The following SLC10A7 variants were observed in gnomAD, a reference collection of about 807,000 sequenced individuals.
The protein encoded by SLC10A7 is sodium/bile acid cotransporter 7.
In SLC10A7, 29 loss-of-function variants were observed where a neutral mutation model predicts 43.2. That is an observed-to-expected ratio of 0.67 (90% CI 0.50 to 0.92). SLC10A7 has a LOEUF of 0.92. Among genes scored for constraint, SLC10A7 ranks in the 40% least tolerant of loss-of-function variants. The pLI, the probability that SLC10A7 is intolerant of heterozygous loss-of-function variation, is 0.00. For synonymous variants in SLC10A7, 152 were observed against 144.8 expected (o/e 1.05, Z -0.35); for missense variants, 295 against 403.2 (o/e 0.73, Z 2.30).
At chr4:146,402,378 T>C (rs1216596845) in intron 5 of SLC10A7, among the ~76,000 whole-genome samples, 2 of 152,086 alleles carry the variant, frequency 1.3e-5, no homozygotes, top group African/African-American at 4.8e-5. Flanking sequence ...CCTTATTTCC[T>C]CATACCTCCT....
At chr4:146,332,535 GCTCA>G in intron 5 of SLC10A7, among the ~76,000 whole-genome samples, 1 of 152,066 alleles carries the variant, frequency 6.6e-6, no homozygotes, top group East Asian at 1.9e-4. Flanking sequence ...CTCCTACCTT[GCTCA>G]CTGTCTTGCT....
Position 146,521,854 on chromosome 4 carries a change from T to A in SLC10A7, c.-137A>T. 1.4e-6 allele frequency: 1 copy of A among 700,004 alleles called. No homozygotes were observed. 43.4% of individuals were successfully genotyped at this position (700,004 alleles called of 1,614,324 possible). The stretch of plus-strand genomic sequence containing the variant: ...CAGCAGAGCAAGTCAAATTGCCGAT[T>A]GTAAAGTAAAGACCTGGGGGTTGCT... On this transcript the variant is annotated 5_prime_UTR_variant, in exon 1 of 12. Coordinates refer to ENST00000335472, the MANE Select transcript of SLC10A7 (RefSeq NM_001029998.6).
At chr4:146,482,646 A>G (rs949365705) in intron 4 of SLC10A7, among the ~76,000 whole-genome samples, 2 of 152,070 alleles carry the variant, frequency 1.3e-5, no homozygotes, top group Admixed American at 1.3e-4. Flanking sequence ...CTAGGCCAAC[A>G]GATTTTTGGC....
intron 10 of SLC10A7, among the ~76,000 whole-genome samples, chr4:146,260,204 A>T (rs1441122008): frequency 9.8e-5 from 3 of 30,726 alleles, no homozygotes; most frequent in South Asian, 3.2e-3. Context: ...CCTTTTTTTA[A>T]AAAAAAGCTT....
intron 5 of SLC10A7, among the ~76,000 whole-genome samples, chr4:146,349,898 G>C (rs1734905831): frequency 6.6e-6 from 1 of 151,852 alleles, no homozygotes; most frequent in African/African-American, 2.4e-5. Context: ...TCACTATCTG[G>C]GTAATGAGAT....
chr4:146,323,176 C>G (rs1033847400), intron 6 of SLC10A7, among the ~76,000 whole-genome samples: 4 of 152,122 alleles, frequency 2.6e-5, no homozygotes, highest in Non-Finnish European at 5.9e-5. Flanking sequence ...TGCCTGTTTA[C>G]TCTGATGGTA....
At chr4:146,301,127 G>T (rs1029556713) in intron 7 of SLC10A7, among the ~76,000 whole-genome samples, 1 of 152,178 alleles carries the variant, frequency 6.6e-6, no homozygotes. Flanking sequence ...CTTTTAGGCA[G>T]CTCATCAATA....
intron 4 of SLC10A7, among the ~76,000 whole-genome samples, chr4:146,470,025 T>A (rs1733417065): frequency 6.6e-6 from 1 of 152,178 alleles, no homozygotes; most frequent in Non-Finnish European, 1.5e-5. Flanking sequence ...CGGGCTACGT[T>A]TGGGGCAGAT....
At chr4:146,513,430 T>TA (rs1243021271) in intron 2 of SLC10A7, among the ~76,000 whole-genome samples, 35 of 152,244 alleles carry the variant, frequency 2.3e-4, no homozygotes, top group Non-Finnish European at 4.4e-4. Context: ...TAAAAAGGAC[T>TA]AAAAAATTGA....
At chr4:146,429,693 T>C (rs757254033) in intron 5 of SLC10A7, among the ~76,000 whole-genome samples, 2 of 152,072 alleles carry the variant, frequency 1.3e-5, no homozygotes, top group Non-Finnish European at 2.9e-5. Context: ...CCCATTACAA[T>C]CTAGATGGAA....
At chr4:146,414,463 C>T (rs1273709288) in intron 5 of SLC10A7, among the ~76,000 whole-genome samples, 5 of 152,104 alleles carry the variant, frequency 3.3e-5, no homozygotes, top group Non-Finnish European at 7.4e-5. Flanking sequence ...GTGGCTCACG[C>T]CTGTAATCCC....
At chr4:146,476,747 T>C (rs1734060933) in intron 4 of SLC10A7, among the ~76,000 whole-genome samples, 1 of 152,188 alleles carries the variant, frequency 6.6e-6, no homozygotes, top group Non-Finnish European at 1.5e-5. Context: ...AATCCATTAC[T>C]TAGGGCTTAG....
At chr4:146,481,131 G>A (rs1188345362) in intron 4 of SLC10A7, among the ~76,000 whole-genome samples, 2 of 152,028 alleles carry the variant, frequency 1.3e-5, no homozygotes, top group Non-Finnish European at 2.9e-5. Flanking sequence ...CCCCACCCTC[G>A]AGAATACAGA....
In SLC10A7 at chr4:146,521,705, C is replaced by T; in HGVS notation, c.13G>A (p.Glu5Lys). Reference protein sequence around the residue: MRLLERMRKDWFMVG... With the variant: MRLLKRMRKDWFMVG... ...ATGAACCAGTCTTTCCTCATTCTCT[C>T]CAGCAGCCTCATATTTGTTAGGGTG... Residue 5 changes from glutamate (E) to lysine (K), a missense_variant, in exon 1 of 12, where the codon GAG becomes AAG. This residue lies in a region of SLC10A7 where 53 missense variants were observed against 40.7 expected (regional missense o/e 1.30). Transcript: ENST00000335472. 6.2e-7 allele frequency: 1 copy of T among 1,614,112 alleles called. No individual in the cohort carries two copies. Among genetic ancestry groups the T allele is most frequent in the East Asian group, 2.2e-5 (1 of 44,882 alleles).
chr4:146,363,927 C>G (rs1351090905), intron 5 of SLC10A7, among the ~76,000 whole-genome samples: 1 of 151,800 alleles, frequency 6.6e-6, no homozygotes, highest in Non-Finnish European at 1.5e-5. Flanking sequence ...AATAACCTAA[C>G]AATGAATCGT....
chr4:146,499,982 C>T (rs1313575730), intron 4 of SLC10A7, among the ~76,000 whole-genome samples: 4 of 152,174 alleles, frequency 2.6e-5, no homozygotes, highest in East Asian at 3.8e-4. Context: ...ATATAGCCTA[C>T]ACACCTCTTG....
chr4:146,386,459 C>T (rs1206328715), intron 5 of SLC10A7, among the ~76,000 whole-genome samples: 1 of 152,188 alleles, frequency 6.6e-6, no homozygotes, highest in East Asian at 1.9e-4. Context: ...TTTGCTACCT[C>T]TCTCTCAACT....
At position 146,392,937 on chromosome 4, in the gene SLC10A7, T is replaced by C. The variant is rs1738547477; in HGVS notation, c.435+49846A>G. On this transcript the variant is annotated intron_variant, in intron 5 of 11. Coordinates refer to ENST00000335472, the MANE Select transcript of SLC10A7 (RefSeq NM_001029998.6). Reference sequence around the variant, plus strand: ...CTGAGCTCATGGCACAATGGCTTTCTTTTAGTTCCTTAAAAACAACATGGG... The same window carrying C: ...CTGAGCTCATGGCACAATGGCTTTCCTTTAGTTCCTTAAAAACAACATGGG... Among the ~76,000 whole-genome samples, 3 of 152,214 alleles carry C rather than the reference T, an allele frequency of 2.0e-5. No individual in the cohort carries two copies. The South Asian group carries it at 6.2e-4, about 32-fold the overall frequency.
intron 3 of SLC10A7, among the ~76,000 whole-genome samples, chr4:146,505,766 G>A (rs1042634696): frequency 6.6e-6 from 1 of 152,122 alleles, no homozygotes; most frequent in Non-Finnish European, 1.5e-5. Flanking sequence ...CAATCTCTGA[G>A]GCTTCCTTAG....
Sources: allele counts gnomAD v4.1 joint callset (sites outside exome capture counted in the v4.1 genomes callset), GRCh38; gene constraint gnomAD v4.1.1; regional missense constraint gnomAD v4.1.1; transcripts MANE v1.5; gene names NCBI Gene and HGNC (gene_info 2026-07-23, HGNC 2026-07-21).